The following NRXN1 variants were observed in gnomAD, a reference collection of about 807,000 sequenced individuals.
NRXN1 encodes the protein neurexin-1.
In NRXN1, 39 loss-of-function variants were observed where a neutral mutation model predicts 150.9. That is an observed-to-expected ratio of 0.26 (90% CI 0.20 to 0.34). The LOEUF is 0.34. Among genes scored for constraint, NRXN1 ranks in the 10% least tolerant of loss-of-function variants. The pLI is 1.00. For missense variants in NRXN1, 1,815 were observed against 1,949.9 expected (o/e 0.93, Z 1.30); for synonymous variants, 924 against 757.0 (o/e 1.22, Z -3.62).
intron 18 of NRXN1, among the ~76,000 whole-genome samples, chr2:50,227,182 TTTG>T (rs199983615): frequency 0.018 from 2,683 of 150,594 alleles, 88 homozygotes; most frequent in African/African-American, 0.061. Context: ...AAAAAGGAAG[TTTG>T]TTGTTGTTAT....
chr2:50,974,867 G>C (rs1295491530), intron 2 of NRXN1, among the ~76,000 whole-genome samples: 1 of 151,962 alleles, frequency 6.6e-6, no homozygotes, highest in Non-Finnish European at 1.5e-5. Context: ...TTTAAAATTT[G>C]TTCCCTTACT....
At chr2:50,692,024 C>A (rs560586245) in intron 5 of NRXN1, among the ~76,000 whole-genome samples, 13 of 152,154 alleles carry the variant, frequency 8.5e-5, no homozygotes, top group Admixed American at 6.5e-4. Flanking sequence ...TGGGGAGATA[C>A]GTCTGTGTGT....
intron 5 of NRXN1, among the ~76,000 whole-genome samples, chr2:50,825,572 A>G (rs1260916296): frequency 6.6e-6 from 1 of 152,230 alleles, no homozygotes; most frequent in Non-Finnish European, 1.5e-5. Flanking sequence ...CAGAGAGAGT[A>G]TGGCAGCTCT....
chr2:49,983,123 TTG>T (rs1558633164), intron 21 of NRXN1, among the ~76,000 whole-genome samples: 1 of 152,192 alleles, frequency 6.6e-6, no homozygotes, highest in East Asian at 1.9e-4. Flanking sequence ...ATTATTTCCA[TTG>T]TGTTTCCATA....
intron 5 of NRXN1, among the ~76,000 whole-genome samples, chr2:50,884,856 A>G (rs942164874): frequency 6.6e-6 from 1 of 151,344 alleles, no homozygotes; most frequent in Non-Finnish European, 1.5e-5. Context: ...TTTTTTTTCT[A>G]TAAACGCAAA....
At chr2:50,180,295 G>T (rs551936735) in intron 18 of NRXN1, among the ~76,000 whole-genome samples, 2 of 152,256 alleles carry the variant, frequency 1.3e-5, no homozygotes, top group East Asian at 3.9e-4. Context: ...AAAGTTCTGG[G>T]ATTACAGGGG....
intron 5 of NRXN1, among the ~76,000 whole-genome samples, chr2:50,638,356 G>T (rs1251082329): frequency 1.3e-5 from 2 of 152,054 alleles, no homozygotes; most frequent in East Asian, 3.9e-4. Context: ...TTTTGTTAAA[G>T]AAATGGGCCT....
intron 5 of NRXN1, among the ~76,000 whole-genome samples, chr2:50,843,977 C>T (rs1282907058): frequency 6.6e-6 from 1 of 152,034 alleles, no homozygotes; most frequent in African/African-American, 2.4e-5. Flanking sequence ...TCTGATTCTG[C>T]CTTTACTCTT....
intron 17 of NRXN1, among the ~76,000 whole-genome samples, chr2:50,276,160 G>A (rs1253148440): frequency 1.3e-5 from 2 of 151,986 alleles, no homozygotes; most frequent in African/African-American, 2.4e-5. Context: ...GCTTCTTGAT[G>A]CTTCTTTTGA....
intron 5 of NRXN1, among the ~76,000 whole-genome samples, chr2:50,811,224 T>A (rs909829012): frequency 2.6e-5 from 4 of 152,174 alleles, no homozygotes; most frequent in African/African-American, 4.8e-5. Flanking sequence ...CCTTGAAACA[T>A]CCCTGTGACT....
At chr2:50,744,539 T>G (rs1699792986) in intron 5 of NRXN1, among the ~76,000 whole-genome samples, 2 of 152,174 alleles carry the variant, frequency 1.3e-5, no homozygotes, top group Admixed American at 1.3e-4. Context: ...GTTTTTCATA[T>G]GCGGGTATAT....
chr2:50,173,884 T>A (rs993877301), intron 18 of NRXN1, among the ~76,000 whole-genome samples: 8 of 152,124 alleles, frequency 5.3e-5, no homozygotes, highest in African/African-American at 1.9e-4. Context: ...TCTAATATGG[T>A]TTATTTATTA....
intron 2 of NRXN1, chr2:51,026,586 T>C (rs868152576): frequency 3.0e-6 from 2 of 677,038 alleles, no homozygotes; most frequent in South Asian, 1.7e-5. Context: ...TAAATGTCAT[T>C]AGCCGAATAT....
intron 2 of NRXN1, among the ~76,000 whole-genome samples, chr2:51,025,932 G>A (rs1238200245): frequency 6.6e-6 from 1 of 152,112 alleles, no homozygotes; most frequent in Non-Finnish European, 1.5e-5. Context: ...TGAAGACAGA[G>A]CGCAACAAAA....
At chr2:50,217,044 T>C (rs2063451114) in intron 18 of NRXN1, among the ~76,000 whole-genome samples, 1 of 152,068 alleles carries the variant, frequency 6.6e-6, no homozygotes, top group African/African-American at 2.4e-5. Flanking sequence ...GTCATGTTTC[T>C]GTGATCGTGG....
chr2:50,166,319 G>T (rs867270986), intron 18 of NRXN1, among the ~76,000 whole-genome samples: 7 of 134,116 alleles, frequency 5.2e-5, no homozygotes, highest in African/African-American at 2.0e-4. Context: ...GTGTGTGTGT[G>T]TGTGTTTGTG....
intron 17 of NRXN1, among the ~76,000 whole-genome samples, chr2:50,387,467 A>G (rs965274874): frequency 1.3e-5 from 2 of 152,174 alleles, no homozygotes; most frequent in Non-Finnish European, 2.9e-5. Context: ...CAGAACTAAT[A>G]GCAGTCAGTT....
chr2:50,746,204 G>A (rs1574328360), intron 5 of NRXN1, among the ~76,000 whole-genome samples: 2 of 152,166 alleles, frequency 1.3e-5, no homozygotes, highest in African/African-American at 4.8e-5. Context: ...TAAGGATTAA[G>A]GAGGCTTCCA....
chr2:50,594,903 A>C (rs1441456419), intron 8 of NRXN1, among the ~76,000 whole-genome samples: 2 of 151,820 alleles, frequency 1.3e-5, no homozygotes, highest in African/African-American at 4.8e-5. Context: ...TTTAAATCCA[A>C]CTCATTTATT....
Sources: gnomAD v4.1 joint callset for allele counts (sites outside exome capture counted in the v4.1 genomes callset) on GRCh38, gnomAD v4.1.1 for gene constraint, MANE v1.5 for transcripts, NCBI Gene and HGNC (gene_info 2026-07-23, HGNC 2026-07-21) for gene names.